The following CYTH3 variants were observed in gnomAD, a reference collection of about 807,000 sequenced individuals.
The protein encoded by CYTH3 is cytohesin-3.
A neutral mutation model predicts 55.1 loss-of-function variants in CYTH3; 23 were observed. The observed-to-expected ratio is 0.42, with a 90% CI of 0.30 to 0.59. The LOEUF is 0.59. Among genes scored for constraint, CYTH3 ranks in the 20% least tolerant of loss-of-function variants. CYTH3 has a pLI of 0.20. For missense variants in CYTH3, 413 were observed against 524.8 expected, an observed-to-expected ratio of 0.79 and a Z score of 2.08; for synonymous variants, 249 against 194.9, an observed-to-expected ratio of 1.28 and a Z score of -2.31.
At chr7:6,266,335 C>T (rs774883880) in intron 1 of CYTH3, among the ~76,000 whole-genome samples, 2 of 152,230 alleles carry the variant, frequency 1.3e-5, no homozygotes, top group Non-Finnish European at 2.9e-5. Context: ...CCCTATGCCT[C>T]CATTTTCCAA....
chr7:6,265,947 C>G (rs549764942), intron 1 of CYTH3, among the ~76,000 whole-genome samples: 29 of 152,156 alleles, frequency 1.9e-4, no homozygotes, highest in Non-Finnish European at 3.5e-4. Context: ...AAAAAACGGA[C>G]CTAAAAAATG....
chr7:6,178,905 C>T (rs1006647793), intron 4 of CYTH3, among the ~76,000 whole-genome samples: 1 of 152,142 alleles, frequency 6.6e-6, no homozygotes, highest in African/African-American at 2.4e-5. Flanking sequence ...TCTAACACAG[C>T]CTTGCAGCCA....
chr7:6,168,124 C>CA (rs1210152635), intron 9 of CYTH3, among the ~76,000 whole-genome samples: 2 of 152,084 alleles, frequency 1.3e-5, no homozygotes, highest in African/African-American at 4.8e-5. Flanking sequence ...AAGTTTCTGT[C>CA]TTCATTGCCG....
At chr7:6,166,746 T>C (rs1015602890) in intron 9 of CYTH3, among the ~76,000 whole-genome samples, 3 of 152,110 alleles carry the variant, frequency 2.0e-5, no homozygotes, top group Admixed American at 2.0e-4. Context: ...GAAGCGGGTC[T>C]CTGCAGTCCC....
intron 1 of CYTH3, among the ~76,000 whole-genome samples, chr7:6,209,921 C>T (rs1180104652): frequency 6.6e-6 from 1 of 152,140 alleles, no homozygotes; most frequent in Non-Finnish European, 1.5e-5. Flanking sequence ...GCTACTGAGA[C>T]AACAGAAGGA....
chr7:6,258,877 T>C (rs1206861090), intron 1 of CYTH3, among the ~76,000 whole-genome samples: 1 of 152,234 alleles, frequency 6.6e-6, no homozygotes, highest in East Asian at 1.9e-4. Context: ...ACCCTCATAT[T>C]ATCAAATTGT....
chr7:6,169,244 G>A lies in CYTH3; in HGVS notation c.823+1291C>T, dbSNP rs562947841. On this transcript the variant is annotated intron_variant, in intron 9 of 12. Transcript: ENST00000350796. This position sits in a 1 kb window ranked among gnomAD's most constrained non-coding sequence, Gnocchi z 4.1. ...TCCTTGATGTTTATTTTTTTGAGACGAGGTCTCACTCTGTCGCCGAGGTGG... is the reference window on the plus strand; with the variant it reads ...TCCTTGATGTTTATTTTTTTGAGACAAGGTCTCACTCTGTCGCCGAGGTGG... Among the ~76,000 whole-genome samples, 2 of 152,230 alleles carry A rather than the reference G, an allele frequency of 1.3e-5. No homozygotes were observed. Among genetic ancestry groups the A allele is most frequent in the South Asian group, 2.1e-4 (1 of 4,828 alleles).
intron 1 of CYTH3, among the ~76,000 whole-genome samples, chr7:6,259,764 T>TATATAATATATATATATA (rs1780249626): frequency 1.6e-4 from 4 of 24,934 alleles, no homozygotes; most frequent in African/African-American, 1.5e-3. Context: ...ATATTATATA[T>TATATAATATATATATATA]ATATATATTA....
chr7:6,186,057 A>G (rs1783640102), intron 4 of CYTH3, among the ~76,000 whole-genome samples: 1 of 151,796 alleles, frequency 6.6e-6, no homozygotes, highest in South Asian at 2.1e-4. Context: ...ATCCTGGCTA[A>G]CACAGTGAAA....
intron 12 of CYTH3, 114 bp from the exon 13 acceptor site, chr7:6,165,130 G>A (rs950711849): frequency 5.2e-5 from 81 of 1,560,854 alleles, no homozygotes; most frequent in Admixed American, 4.0e-4. Flanking sequence ...TCTGAACGTC[G>A]GCTTTGGCAG....
At chr7:6,193,407 T>C (rs1266011178) in intron 1 of CYTH3, among the ~76,000 whole-genome samples, 1 of 147,778 alleles carries the variant, frequency 6.8e-6, no homozygotes, top group South Asian at 2.1e-4. Flanking sequence ...AGACATCCAC[T>C]AAAACTGTAG....
At chr7:6,257,252 CCAAA>C (rs1295086730) in intron 1 of CYTH3, among the ~76,000 whole-genome samples, 30 of 152,140 alleles carry the variant, frequency 2.0e-4, no homozygotes, top group Admixed American at 2.0e-3. Flanking sequence ...TGTGAACAGG[CCAAA>C]CATTCAAAAG....
chr7:6,258,092 A>G (rs1780175769), intron 1 of CYTH3, among the ~76,000 whole-genome samples: 1 of 152,180 alleles, frequency 6.6e-6, no homozygotes, highest in Non-Finnish European at 1.5e-5. Context: ...TGAGCAACGT[A>G]GCAAGATCTT....
In CYTH3 at chr7:6,259,809, ATATAATATATATATATATATATAT is replaced by A. The variant is rs1562418020; in HGVS notation, c.34+12641_34+12664del. On this transcript the variant is annotated intron_variant, in intron 1 of 12. Transcript: ENST00000350796. ...AATATATATATATATATATATATAT[ATATAATATATATATATATATATAT>A]TTTTTTTTTTTTTTAAGACGGATTT... is the stretch of plus-strand genomic sequence containing the variant. Among the ~76,000 whole-genome samples the A allele has an allele frequency of 8.4e-4, 22 of 26,276 alleles. 3 individuals are homozygous for A. The highest frequency in any genetic ancestry group is 5.5e-3 in the African/African-American group (15 of 2,722). 17.2% of individuals were successfully genotyped at this position (26,276 alleles called of 152,430 possible). A position where few individuals can be genotyped will look rare whatever the true frequency, so the allele number is the denominator to read the frequency against.
chr7:6,236,138 T>G (rs781578114), intron 1 of CYTH3, among the ~76,000 whole-genome samples: 1 of 152,140 alleles, frequency 6.6e-6, no homozygotes, highest in African/African-American at 2.4e-5. Flanking sequence ...TTAAACTGTA[T>G]CATGCAGACA....
rs1780037087 is a variant in CYTH3, at chr7:6,253,926, G to T, written c.34+18548C>A. Among the ~76,000 whole-genome samples the T allele has an allele frequency of 2.0e-5, 3 of 151,950 alleles. No homozygotes were observed. The South Asian group carries it at 6.2e-4, about 32-fold the overall frequency. ...GAGAATCACTTGAACCCGGGAGGCA[G>T]CGGTTGCAGTGAGCCAAGATCATGC... is the stretch of plus-strand genomic sequence containing the variant. On this transcript the variant is annotated intron_variant, in intron 1 of 12. Coordinates refer to ENST00000350796, the MANE Select transcript of CYTH3 (RefSeq NM_004227.4).
intron 1 of CYTH3, among the ~76,000 whole-genome samples, chr7:6,271,654 A>G (rs1321676898): frequency 1.3e-5 from 2 of 152,108 alleles, no homozygotes; most frequent in Non-Finnish European, 2.9e-5. Context: ...TCCACTAAAT[A>G]ATTTCCAACA....
At chr7:6,211,944 C>T (rs568801766) in intron 1 of CYTH3, among the ~76,000 whole-genome samples, 61 of 152,184 alleles carry the variant, frequency 4.0e-4, no homozygotes, top group African/African-American at 1.4e-3. Flanking sequence ...TGAGATTGTG[C>T]CACTGCACTC....
intron 1 of CYTH3, among the ~76,000 whole-genome samples, chr7:6,229,019 C>T (rs1215369646): frequency 1.3e-5 from 2 of 152,142 alleles, no homozygotes; most frequent in Non-Finnish European, 2.9e-5. Context: ...ACTGTGTAGA[C>T]ATATGAAGAT....
Sources: allele counts gnomAD v4.1 joint callset (sites outside exome capture counted in the v4.1 genomes callset), GRCh38; gene constraint gnomAD v4.1.1; non-coding constraint Gnocchi (gnomAD v3.1); transcripts MANE v1.5; gene names NCBI Gene and HGNC (gene_info 2026-07-23, HGNC 2026-07-21).